Variants in ADAMTS6 observed in about 807,000 individuals in gnomAD.
The protein encoded by ADAMTS6 is A disintegrin and metalloproteinase with thrombospondin motifs 6.
In ADAMTS6, 23 loss-of-function variants were observed where a neutral mutation model predicts 144.3. The observed-to-expected ratio is 0.16, with a 90% CI of 0.11 to 0.23. The LOEUF (loss-of-function observed/expected upper bound fraction) is 0.23. Among genes scored for constraint, ADAMTS6 ranks in the 10% least tolerant of loss-of-function variants. The pLI, the probability that ADAMTS6 is intolerant of heterozygous loss-of-function variation, is 1.00. For synonymous variants in ADAMTS6, 444 were observed against 457.5 expected, an observed-to-expected ratio of 0.97 and a Z score of 0.38; for missense variants, 999 against 1,379.6, an observed-to-expected ratio of 0.72 and a Z score of 4.37.
intron 7 of ADAMTS6, among the ~76,000 whole-genome samples, chr5:65,420,545 C>G (rs917600736): frequency 2.6e-5 from 4 of 152,042 alleles, no homozygotes; most frequent in African/African-American, 9.7e-5. Context: ...CCACACTAGG[C>G]TAATTTTGTA....
At chr5:65,194,076 TA>T (rs1336304260) in intron 21 of ADAMTS6, among the ~76,000 whole-genome samples, 1 of 151,978 alleles carries the variant, frequency 6.6e-6, no homozygotes, top group Non-Finnish European at 1.5e-5. Context: ...CATGATCATC[TA>T]AAAAAAACCT....
intron 11 of ADAMTS6, among the ~76,000 whole-genome samples, chr5:65,288,169 A>G (rs960214055): frequency 3.3e-5 from 5 of 152,202 alleles, no homozygotes; most frequent in Admixed American, 2.6e-4. Flanking sequence ...GAATTCAGGC[A>G]AGATTTTTCA....
chr5:65,357,376 G>A (rs1360282431), intron 7 of ADAMTS6, among the ~76,000 whole-genome samples: 13 of 151,530 alleles, frequency 8.6e-5, no homozygotes, highest in Admixed American at 4.6e-4. Flanking sequence ...ACATTTGTAA[G>A]AGGAAAGTAT....
Position 65,479,194 on chromosome 5 carries a change from T to C in ADAMTS6, c.-280+2149A>G, listed in dbSNP as rs564189876. On this transcript the variant is annotated intron_variant, in intron 1 of 24. Coordinates refer to ENST00000381055, the MANE Select transcript of ADAMTS6 (RefSeq NM_197941.4). ...CTTTCAGGTGTTTAATTTTTACATATGAAAATTAACTTCTTTCATTTCCAT... is the reference window on the plus strand; with the variant it reads ...CTTTCAGGTGTTTAATTTTTACATACGAAAATTAACTTCTTTCATTTCCAT... 4.6e-5 allele frequency among the ~76,000 whole-genome samples: 7 copies of C among 152,340 alleles called. No individual in the cohort carries two copies. In the East Asian group the frequency reaches 7.7e-4, roughly 17 times the overall value.
In ADAMTS6 at chr5:65,459,136, C is replaced by A. The variant is rs372926681; in HGVS notation, c.631+1034G>T. 3.3e-5 allele frequency among the ~76,000 whole-genome samples: 5 copies of A among 151,946 alleles called. No homozygotes were observed. In the East Asian group the frequency reaches 9.7e-4, roughly 29 times the overall value. On this transcript the variant is annotated intron_variant, in intron 4 of 24. Transcript: ENST00000381055. Reference sequence around the variant, plus strand: ...AAGCTATCCTCCCGCCTCTTGCCTCCCTGAGAGCTGGGATTACAGGTGTGA... The same window carrying A: ...AAGCTATCCTCCCGCCTCTTGCCTCACTGAGAGCTGGGATTACAGGTGTGA...
intron 8 of ADAMTS6, among the ~76,000 whole-genome samples, chr5:65,332,304 TATATATATAGAG>T (rs1262562545): frequency 2.5e-4 from 29 of 117,858 alleles, no homozygotes; most frequent in Non-Finnish European, 4.0e-4. Context: ...TATATATATA[TATATATATAGAG>T]AGAGAGAGAG....
At chr5:65,299,527 A>AGG (rs1302490996) in intron 10 of ADAMTS6, among the ~76,000 whole-genome samples, 2 of 152,164 alleles carry the variant, frequency 1.3e-5, no homozygotes, top group Non-Finnish European at 2.9e-5. Context: ...ACTTTCAAAA[A>AGG]CAAATCTTTT....
At chr5:65,160,263 C>A (rs1752671626) in intron 24 of ADAMTS6, among the ~76,000 whole-genome samples, 1 of 151,660 alleles carries the variant, frequency 6.6e-6, no homozygotes, top group Non-Finnish European at 1.5e-5. Context: ...TCTTCCACCT[C>A]TTCCACTCTC....
intron 14 of ADAMTS6, among the ~76,000 whole-genome samples, chr5:65,247,909 C>T (rs952112039): frequency 5.3e-5 from 8 of 152,208 alleles, no homozygotes; most frequent in Non-Finnish European, 1.0e-4. Context: ...TCTTCTTCCT[C>T]TACAGGAAAA....
At chr5:65,311,569 T>C (rs1217762282) in intron 9 of ADAMTS6, among the ~76,000 whole-genome samples, 1 of 152,138 alleles carries the variant, frequency 6.6e-6, no homozygotes, top group Admixed American at 6.5e-5. Flanking sequence ...ACAGAATTTA[T>C]CATACCTTTT....
chr5:65,233,730 A>G (rs1758438865), intron 15 of ADAMTS6, among the ~76,000 whole-genome samples: 1 of 152,098 alleles, frequency 6.6e-6, no homozygotes, highest in Admixed American at 6.6e-5. Context: ...ATTTGATGCA[A>G]TCTCTATGAA....
intron 11 of ADAMTS6, among the ~76,000 whole-genome samples, chr5:65,278,305 T>A (rs528849075): frequency 4.6e-5 from 7 of 152,246 alleles, no homozygotes; most frequent in African/African-American, 1.7e-4. Flanking sequence ...TGTGCAAGAG[T>A]CTTTTCCATA....
intron 12 of ADAMTS6, among the ~76,000 whole-genome samples, chr5:65,270,335 A>T (rs1307788985): frequency 6.6e-6 from 1 of 152,234 alleles, no homozygotes; most frequent in Non-Finnish European, 1.5e-5. Flanking sequence ...AACAGTAAAT[A>T]TTCTTCCTTC....
chr5:65,195,099 T>G (rs1304308315), intron 21 of ADAMTS6, among the ~76,000 whole-genome samples: 1 of 152,192 alleles, frequency 6.6e-6, no homozygotes, highest in Non-Finnish European at 1.5e-5. Flanking sequence ...CTTAAGATCC[T>G]GAATGTCAGA....
At chr5:65,279,678 ATGTC>A (rs1762839595) in intron 11 of ADAMTS6, among the ~76,000 whole-genome samples, 2 of 152,156 alleles carry the variant, frequency 1.3e-5, no homozygotes, top group Non-Finnish European at 2.9e-5. Context: ...TCTGATTTCT[ATGTC>A]TTTCTTTGAT....
At chr5:65,155,080 A>G (rs772900623) in intron 24 of ADAMTS6, among the ~76,000 whole-genome samples, 1 of 152,162 alleles carries the variant, frequency 6.6e-6, no homozygotes, top group African/African-American at 2.4e-5. Context: ...GAATCAGTTC[A>G]TTACATCTTT....
chr5:65,273,592 G>T, intron 11 of ADAMTS6, 145 bp from the exon 12 acceptor site: 1 of 561,476 alleles, frequency 1.8e-6, no homozygotes. Context: ...GGATTTTGGA[G>T]GAGGTTTTTA....
intron 7 of ADAMTS6, among the ~76,000 whole-genome samples, chr5:65,361,457 C>T (rs1431041502): frequency 6.6e-6 from 1 of 152,122 alleles, no homozygotes; most frequent in Non-Finnish European, 1.5e-5. Flanking sequence ...TCAGTTTCAA[C>T]CTACAACTCC....
intron 4 of ADAMTS6, among the ~76,000 whole-genome samples, chr5:65,458,946 G>C (rs1759435743): frequency 6.6e-6 from 1 of 152,074 alleles, no homozygotes; most frequent in Admixed American, 6.5e-5. Context: ...GAGAGGTTGG[G>C]TAATTCGTCC....
Sources: allele counts gnomAD v4.1 joint callset (sites outside exome capture counted in the v4.1 genomes callset), GRCh38; gene constraint gnomAD v4.1.1; transcripts MANE v1.5; gene names NCBI Gene and HGNC (gene_info 2026-07-23, HGNC 2026-07-21).